The following LRP1B variants were observed in gnomAD, a reference collection of about 807,000 sequenced individuals.
LRP1B encodes the protein LDL receptor related protein 1B, also known as low-density lipoprotein receptor-related protein 1B.
Under a neutral mutation model 556.6 loss-of-function variants are expected in LRP1B, and 217 were observed. The ratio of observed to expected loss-of-function variants is 0.39; its 90% CI spans 0.35 to 0.44. The LOEUF is 0.44. Among genes scored for constraint, LRP1B ranks in the 20% least tolerant of loss-of-function variants. The pLI is 1.00. For synonymous variants in LRP1B, 2,047 were observed against 1,865.8 expected, an observed-to-expected ratio of 1.10 and a Z score of -2.50; for missense variants, 5,053 against 5,620.8, an observed-to-expected ratio of 0.90 and a Z score of 3.23.
At chr2:141,388,718 T>C (rs977262080) in intron 3 of LRP1B, among the ~76,000 whole-genome samples, 1 of 152,096 alleles carries the variant, frequency 6.6e-6, no homozygotes, top group Admixed American at 6.5e-5. Context: ...GAAGCATAAC[T>C]ATCTCTATTA....
chr2:141,409,036 T>C (rs1690750410), intron 3 of LRP1B, among the ~76,000 whole-genome samples: 1 of 152,168 alleles, frequency 6.6e-6, no homozygotes, highest in Non-Finnish European at 1.5e-5. Context: ...CTGATCAAAG[T>C]CAGACTTTCA....
Position 140,233,492 on chromosome 2 carries a change from CTT to C in LRP1B, c.13660-168_13660-167del, listed in dbSNP as rs1301727414. On this transcript the variant is annotated intron_variant, in intron 90 of 90. Transcript: ENST00000389484. ...GTTATTTACATGTTACATTTACAGA[CTT>C]TACTCAACTCAAGCATGGTATTAAA... 5.3e-5 allele frequency among the ~76,000 whole-genome samples: 8 copies of C among 151,236 alleles called. No individual in the cohort carries two copies. The East Asian group carries it at 1.6e-3, about 30-fold the overall frequency.
chr2:140,823,988 G>A (rs1027854303), intron 31 of LRP1B, among the ~76,000 whole-genome samples: 1 of 151,722 alleles, frequency 6.6e-6, no homozygotes, highest in African/African-American at 2.4e-5. Flanking sequence ...TAGCTATTAA[G>A]TACTAGGTTT....
chr2:141,096,631 A>AGAGAGG (rs1700319450), intron 7 of LRP1B, among the ~76,000 whole-genome samples: 5 of 25,256 alleles, frequency 2.0e-4, no homozygotes, highest in Non-Finnish European at 2.9e-4. Context: ...GGAGAGGGGG[A>AGAGAGG]GAGAGAGAGA....
At chr2:141,592,073 T>C (rs1282283382) in intron 2 of LRP1B, among the ~76,000 whole-genome samples, 1 of 152,036 alleles carries the variant, frequency 6.6e-6, no homozygotes, top group African/African-American at 2.4e-5. Flanking sequence ...ACCACTCCCC[T>C]CAACCCCACA....
intron 35 of LRP1B, among the ~76,000 whole-genome samples, chr2:140,736,663 C>T (rs1227597164): frequency 6.6e-6 from 1 of 152,108 alleles, no homozygotes; most frequent in East Asian, 1.9e-4. Context: ...GCTGGGAAAA[C>T]TGGCTAGCCA....
At chr2:141,386,805 T>C (rs1013809068) in intron 3 of LRP1B, among the ~76,000 whole-genome samples, 1 of 152,022 alleles carries the variant, frequency 6.6e-6, no homozygotes, top group African/African-American at 2.4e-5. Flanking sequence ...CAATAATAAT[T>C]AGTACATCTA....
chr2:141,078,618 GGAGAGAGAAA>G (rs1264002390), intron 7 of LRP1B, among the ~76,000 whole-genome samples: 2 of 43,420 alleles, frequency 4.6e-5, no homozygotes, highest in Non-Finnish European at 1.3e-4. Flanking sequence ...CTGCCAAGAG[GGAGAGAGAAA>G]GAGAAAGAGA....
intron 3 of LRP1B, among the ~76,000 whole-genome samples, chr2:141,426,458 G>C (rs1680366553): frequency 6.6e-6 from 1 of 152,110 alleles, no homozygotes; most frequent in Non-Finnish European, 1.5e-5. Context: ...GTATTCTGAA[G>C]TATATGAAAT....
rs192645136 is a variant in LRP1B at position 142,094,349 on chromosome 2, C to G, written c.82+36299G>C. On this transcript the variant is annotated intron_variant, in intron 1 of 90. Transcript: ENST00000389484. ...GTGAAGCTGGCTTTAATGTTCAACC[C>G]AGCTTTATTTGGAATCCACAAAGAT... 2.8e-4 allele frequency among the ~76,000 whole-genome samples: 42 copies of G among 152,042 alleles called. 1 individual carries two copies. Among genetic ancestry groups the G allele is most frequent in the African/African-American group, 1.0e-3 (42 of 41,504 alleles).
intron 3 of LRP1B, among the ~76,000 whole-genome samples, chr2:141,362,076 T>C (rs762832354): frequency 1.3e-5 from 2 of 152,168 alleles, no homozygotes; most frequent in Non-Finnish European, 2.9e-5. Flanking sequence ...TTGTGTAGAG[T>C]ATTTAGAGAG....
At chr2:141,471,025 A>T (rs891891314) in intron 3 of LRP1B, among the ~76,000 whole-genome samples, 5 of 152,146 alleles carry the variant, frequency 3.3e-5, no homozygotes, top group Non-Finnish European at 7.3e-5. Flanking sequence ...ATTTACACAA[A>T]CTACATCCAA....
chr2:141,847,598 C>G (rs1277205729), intron 1 of LRP1B, among the ~76,000 whole-genome samples: 1 of 151,290 alleles, frequency 6.6e-6, no homozygotes, highest in Non-Finnish European at 1.5e-5. Context: ...GAAAAACATA[C>G]AGTATAGTGC....
intron 2 of LRP1B, among the ~76,000 whole-genome samples, chr2:141,653,428 C>T (rs965442342): frequency 3.9e-5 from 6 of 152,134 alleles, no homozygotes; most frequent in Non-Finnish European, 7.4e-5. Context: ...GAAAAGAAAG[C>T]AACAACTCTA....
intron 43 of LRP1B, among the ~76,000 whole-genome samples, chr2:140,585,208 A>G (rs899734619): frequency 6.6e-6 from 1 of 152,048 alleles, no homozygotes; most frequent in Non-Finnish European, 1.5e-5. Flanking sequence ...TTCATAATTC[A>G]AGGGGGGATT....
intron 1 of LRP1B, among the ~76,000 whole-genome samples, chr2:141,972,081 T>G (rs111297106): frequency 4.0e-5 from 6 of 151,740 alleles, no homozygotes; most frequent in African/African-American, 1.2e-4. Flanking sequence ...CATCATCATT[T>G]TGTGTGCATA....
At chr2:141,856,112 G>A (rs1698042339) in intron 1 of LRP1B, among the ~76,000 whole-genome samples, 2 of 152,220 alleles carry the variant, frequency 1.3e-5, no homozygotes, top group African/African-American at 4.8e-5. Context: ...TATAAAAAAT[G>A]TCTTCTGGTG....
intron 2 of LRP1B, among the ~76,000 whole-genome samples, chr2:141,541,498 T>C (rs1231221572): frequency 1.3e-5 from 2 of 152,074 alleles, no homozygotes; most frequent in Admixed American, 1.3e-4. Context: ...GAAGTGTTTG[T>C]CGTTTGGTGA....
At chr2:140,948,388 T>C (rs991526881) in intron 20 of LRP1B, among the ~76,000 whole-genome samples, 1 of 152,130 alleles carries the variant, frequency 6.6e-6, no homozygotes, top group Non-Finnish European at 1.5e-5. Flanking sequence ...TTACATATAC[T>C]TTTTCTTTTT....
Sources: allele counts gnomAD v4.1 joint callset (sites outside exome capture counted in the v4.1 genomes callset), GRCh38; gene constraint gnomAD v4.1.1; transcripts MANE v1.5; gene names NCBI Gene and HGNC (gene_info 2026-07-23, HGNC 2026-07-21).